The following PRKCG variants were observed in gnomAD, a reference collection of about 807,000 sequenced individuals.
PRKCG encodes the protein protein kinase C gamma.
In PRKCG, 28 loss-of-function variants were observed where a neutral mutation model predicts 82.0. That is an observed-to-expected ratio of 0.34 (90% confidence interval 0.25 to 0.47). The LOEUF is 0.47. Ranked by LOEUF, PRKCG falls within the 20% of genes least tolerant of loss-of-function variation. The pLI is 1.00. For missense variants in PRKCG, 640 were observed against 952.7 expected (o/e 0.67, Z 4.32); for synonymous variants, 383 against 376.6 (o/e 1.02, Z -0.20).
rs1052850545 is a variant in PRKCG at position 53,893,585 on chromosome 19, A to G, written c.939+194A>G. On this transcript the variant is annotated intron_variant, in intron 9 of 17. Transcript: ENST00000263431. The stretch of plus-strand genomic sequence containing the variant: ...CCTCAAGCAACTCTCCAAGGTAGGG[A>G]CACAGTCACAGATACTTAAAATACA... 167 of 714,618 alleles carry G rather than the reference A, an allele frequency of 2.3e-4. 1 individual carries two copies. Among genetic ancestry groups the G allele is most frequent in the Non-Finnish European group, 3.4e-4 (136 of 398,668 alleles). 44.3% of individuals were successfully genotyped at this position (714,618 alleles called of 1,614,324 possible). A position where few individuals can be genotyped will look rare whatever the true frequency, so the allele number is the denominator to read the frequency against.
At position 53,884,384 on chromosome 19, in the gene PRKCG, G is replaced by C. The variant is rs1202941771; in HGVS notation, c.285+141G>C. On this transcript the variant is annotated intron_variant, in intron 3 of 17. Transcript: ENST00000263431. The surrounding 1 kb of genome is among the most constrained non-coding windows in gnomAD (Gnocchi z 4.6). ...GAGATAGGGGGAGCTATCTGGCCCA[G>C]ATTCCTTGCCCTTGGCCTGGAAAGG... The C allele has an allele frequency of 1.6e-5, 14 of 853,522 alleles. No homozygotes were observed. The highest frequency in any genetic ancestry group is 2.5e-5 in the Non-Finnish European group (13 of 520,108). 52.9% of individuals were successfully genotyped at this position (853,522 alleles called of 1,614,324 possible). A position where few individuals can be genotyped will look rare whatever the true frequency, so the allele number is the denominator to read the frequency against.
At chr19:53,903,995 C>T (rs182796704) in intron 15 of PRKCG, among the ~76,000 whole-genome samples, 87 of 152,262 alleles carry the variant, frequency 5.7e-4, no homozygotes, top group Non-Finnish European at 1.2e-3. Context: ...ATCTGCAACT[C>T]TCATGTGATG....
Position 53,903,468 on chromosome 19 carries a change from C to G in PRKCG, c.1656+315C>G, listed in dbSNP as rs540748407. Among the ~76,000 whole-genome samples the G allele has an allele frequency of 3.9e-5, 6 of 152,340 alleles. No individual in the cohort carries two copies. The South Asian group carries it at 1.2e-3, about 32-fold the overall frequency. On this transcript the variant is annotated intron_variant, in intron 15 of 17. Transcript: ENST00000263431. ...CAGAAAACCAAGGTTCAAATCCTCACTTTGCCACTTACTGGCTGTGTCAGC... is the reference window on the plus strand; with the variant it reads ...CAGAAAACCAAGGTTCAAATCCTCAGTTTGCCACTTACTGGCTGTGTCAGC...
chr19:53,889,985 G>C lies in PRKCG; in HGVS notation c.497G>C (p.Arg166Pro). 6.4e-7 allele frequency: 1 copy of C among 1,571,366 alleles called. No homozygotes were observed. The highest frequency in any genetic ancestry group is 1.2e-5 in the South Asian group (1 of 85,688). Residue 166 changes from arginine to proline, a missense_variant, in exon 5 of 18, where the codon CGG (arginine) becomes CCG (proline). By Grantham distance (103) the Arg-to-Pro change is moderately radical. Around this residue, in one of 7 missense-constraint regions of PRKCG, gnomAD observed 261 missense variants for 312.1 expected, o/e 0.84. Coordinates refer to ENST00000263431, the MANE Select transcript of PRKCG (RefSeq NM_002739.5). The surrounding 1 kb of genome is among the most constrained non-coding windows in gnomAD (Gnocchi z 4.4). ...CGCGGGCGCCTGCAGCTGGAGATCC[G>C]GGCTCCCACAGCAGATGAGATCCAC... The part of the protein sequence containing the change: ...ERRGRLQLEI[R>P]APTADEIHVT...
chr19:53,891,278 CTTTTTTTTT>C (rs537462382), intron 5 of PRKCG, among the ~76,000 whole-genome samples: 1 of 133,850 alleles, frequency 7.5e-6, no homozygotes, highest in South Asian at 2.4e-4. Flanking sequence ...GCTTGGAATT[CTTTTTTTTT>C]TTTTTTTGAG....
rs1332498109 is a variant in PRKCG, at chr19:53,906,719, G to A, written c.1918G>A (p.Gly640Ser). 1 of 1,612,798 alleles carries A rather than the reference G, an allele frequency of 6.2e-7. No homozygotes were observed. The highest frequency in any genetic ancestry group is 8.5e-7 in the Non-Finnish European group (1 of 1,180,002). Residue 640 changes from glycine to serine, a missense_variant, in exon 18 of 18, where the codon GGC (glycine) becomes AGC (serine). By Grantham distance (56) the Gly-to-Ser change is moderately conservative. Coordinates refer to ENST00000263431, the MANE Select transcript of PRKCG (RefSeq NM_002739.5). ...ACGTCTCCCACAGTGTGGCCGCAGC[G>A]GCGAGAACTTTGACAAGTTCTTCAC... is the stretch of plus-strand genomic sequence containing the variant. ...PFRPRPCGRS[G>S]ENFDKFFTRA...
At chr19:53,901,509 A>G (rs1188196446) in intron 14 of PRKCG, among the ~76,000 whole-genome samples, 1 of 138,348 alleles carries the variant, frequency 7.2e-6, no homozygotes, top group African/African-American at 2.9e-5. Context: ...ACACCACTGC[A>G]CTCCAGCCTG....
At chr19:53,901,972 T>C (rs1228557151) in intron 14 of PRKCG, among the ~76,000 whole-genome samples, 2 of 150,962 alleles carry the variant, frequency 1.3e-5, no homozygotes, top group Non-Finnish European at 2.9e-5. Flanking sequence ...GTTAAAGGGG[T>C]GGGGCTGATG....
intron 9 of PRKCG, among the ~76,000 whole-genome samples, chr19:53,895,093 G>A (rs553603539): frequency 1.1e-4 from 16 of 152,134 alleles, no homozygotes; most frequent in Non-Finnish European, 1.9e-4. Flanking sequence ...TGTGCCAGGC[G>A]TGGCTCTACT....
intron 9 of PRKCG, among the ~76,000 whole-genome samples, chr19:53,894,390 C>A (rs538012634): frequency 1.3e-5 from 2 of 152,018 alleles, no homozygotes; most frequent in East Asian, 3.9e-4. Flanking sequence ...AAAAATCTAT[C>A]AAGCATGATC....
At chr19:53,886,009 C>T (rs1421889800) in intron 3 of PRKCG, among the ~76,000 whole-genome samples, 1 of 149,070 alleles carries the variant, frequency 6.7e-6, no homozygotes, top group Non-Finnish European at 1.5e-5. Flanking sequence ...TTGCAGTGAG[C>T]CAAGATCACG....
At position 53,906,916 on chromosome 19, in the gene PRKCG, T is replaced by C. The variant is rs2068817543; in HGVS notation, c.*21T>C. 15 of 1,613,090 alleles carry C rather than the reference T, an allele frequency of 9.3e-6. No individual in the cohort carries two copies. In the East Asian group the frequency reaches 3.3e-4, roughly 36 times the overall value. On this transcript the variant is annotated 3_prime_UTR_variant, in exon 18 of 18. Transcript: ENST00000263431. ...TGTAATCTCACCCGCCGCCACTAGG[T>C]GTCCCCAACGTCCCCTCCGCCGTGC... is the stretch of plus-strand genomic sequence containing the variant.
chr19:53,904,499 C>T, intron 15 of PRKCG, 136 bp from the exon 16 acceptor site: 1 of 725,358 alleles, frequency 1.4e-6, no homozygotes, highest in East Asian at 2.7e-5. Flanking sequence ...CTGATCTCTC[C>T]TGAGGGTGTG....
At chr19:53,902,890 C>CAAAAAA (rs56955659) in intron 14 of PRKCG, among the ~76,000 whole-genome samples, 183 bp from the exon 15 acceptor site, 4 of 19,976 alleles carry the variant, frequency 2.0e-4, no homozygotes, top group African/African-American at 5.5e-4. Flanking sequence ...GAGACCCTGT[C>CAAAAAA]AAAAAAAAAA....
Position 53,892,904 on chromosome 19 carries a change from C to A in PRKCG, c.822-84C>A. 7.6e-7 allele frequency: 1 copy of A among 1,320,468 alleles called. No homozygotes were observed. The allele number at this position is 1,320,468 out of a possible 1,614,324, so 81.8% of individuals were successfully genotyped here. On this transcript the variant is annotated intron_variant, in intron 7 of 17. Coordinates refer to ENST00000263431, the MANE Select transcript of PRKCG (RefSeq NM_002739.5). The surrounding 1 kb of genome is among the most constrained non-coding windows in gnomAD (Gnocchi z 5.9). ...CATCTCTGTGTCCGTCTCTCTGTGT[C>A]TCTTTCCTCCCTTCCAATGTCTTTG...
In PRKCG at chr19:53,882,357, G is replaced by T; in HGVS notation, c.-138G>T. The T allele has an allele frequency of 7.7e-7, 1 of 1,296,866 alleles. No homozygotes were observed. The highest frequency in any genetic ancestry group is 1.1e-6 in the Non-Finnish European group (1 of 935,894). 80.3% of individuals were successfully genotyped at this position (1,296,866 alleles called of 1,614,324 possible). On this transcript the variant is annotated 5_prime_UTR_variant, in exon 1 of 18. Transcript: ENST00000263431. This position sits in a 1 kb window ranked among gnomAD's most constrained non-coding sequence, Gnocchi z 6.1. ...CCCTGCCTGGCGCGCTCCGCACCTG[G>T]AGGTGCCTTGCCCCTCTCCTGCCCA...
Position 53,907,009 on chromosome 19 carries a change from A to G in PRKCG, c.*114A>G. 5 of 1,532,222 alleles carry G rather than the reference A, an allele frequency of 3.3e-6. No individual in the cohort carries two copies. The highest frequency in any genetic ancestry group is 4.4e-6 in the Non-Finnish European group (5 of 1,147,228). The allele number at this position is 1,532,222 out of a possible 1,614,324, so 94.9% of individuals were successfully genotyped here. On this transcript the variant is annotated 3_prime_UTR_variant, in exon 18 of 18. Transcript: ENST00000263431. ...CCCATTCTAGATCCTGCACCCCAGC[A>G]TTCCAGCTCTGCCCCCGCGGGTTCT...
intron 3 of PRKCG, among the ~76,000 whole-genome samples, chr19:53,887,060 G>T (rs75248783): frequency 5.9e-5 from 9 of 151,886 alleles, no homozygotes; most frequent in African/African-American, 1.7e-4. Context: ...TCACTCGGGG[G>T]TTTTTTTGTT....
chr19:53,892,287 A>G lies in PRKCG; in HGVS notation c.687-222A>G, dbSNP rs1293672670. Among the ~76,000 whole-genome samples the G allele has an allele frequency of 6.6e-6, 1 of 152,108 alleles. No individual in the cohort carries two copies. Among genetic ancestry groups the G allele is most frequent in the Admixed American group, 6.5e-5 (1 of 15,270 alleles). The stretch of plus-strand genomic sequence containing the variant: ...GAGACAGAGATGGGAAGGGGCGGAG[A>G]ATGCAGGAGGAAGGGAGAGGAAGAG... On this transcript the variant is annotated intron_variant, in intron 6 of 17. Transcript: ENST00000263431. The surrounding 1 kb of genome is among the most constrained non-coding windows in gnomAD (Gnocchi z 5.9).
Sources: allele counts gnomAD v4.1 joint callset (sites outside exome capture counted in the v4.1 genomes callset), GRCh38; gene constraint gnomAD v4.1.1; regional missense constraint gnomAD v4.1.1; non-coding constraint Gnocchi (gnomAD v3.1); transcripts MANE v1.5; gene names NCBI Gene and HGNC (gene_info 2026-07-23, HGNC 2026-07-21).